The following CCDC70 variants were observed in gnomAD, a reference collection of about 807,000 sequenced individuals.
CCDC70 encodes coiled-coil domain containing 70.
CCDC70 carries 4 observed loss-of-function variants against 9.1 expected under a neutral mutation model. The ratio of observed to expected loss-of-function variants is 0.44; its 90% CI spans 0.22 to 1.00. The LOEUF (loss-of-function observed/expected upper bound fraction) is 1.00. Ranked by LOEUF, CCDC70 falls within the 50% of genes least tolerant of loss-of-function variation. The pLI, the probability that CCDC70 is intolerant of heterozygous loss-of-function variation, is 0.25. For synonymous variants in CCDC70, 119 were observed against 94.0 expected (o/e 1.27, Z -1.54); for missense variants, 308 against 271.3 (o/e 1.14, Z -0.95).
intron 1 of CCDC70, 59 bp from the exon 2 acceptor site, chr13:51,865,273 C>G (rs1956410944): frequency 2.2e-6 from 2 of 891,870 alleles, no homozygotes; most frequent in Admixed American, 2.7e-5. Flanking sequence ...AGTACAGAAC[C>G]AAGGGCCGTC....
At chr13:51,865,243 T>G in intron 1 of CCDC70, 89 bp from the exon 2 acceptor site, 1 of 643,760 alleles carries the variant, frequency 1.6e-6, no homozygotes, top group Non-Finnish European at 2.6e-6. Flanking sequence ...GAGCAGTGAT[T>G]ACATTTTCTC....
chr13:51,862,536 T>C (rs1418750792), intron 1 of CCDC70, among the ~76,000 whole-genome samples: 2 of 152,200 alleles, frequency 1.3e-5, no homozygotes, highest in Non-Finnish European at 2.9e-5. Context: ...TAGACGCCCA[T>C]TCATCCAGCT....
At chr13:51,862,704 G>T (rs1956391050) in intron 1 of CCDC70, among the ~76,000 whole-genome samples, 1 of 152,148 alleles carries the variant, frequency 6.6e-6, no homozygotes, top group Non-Finnish European at 1.5e-5. Flanking sequence ...TGAAGGATTC[G>T]CTAGGTGAAC....
At position 51,865,313 on chromosome 13, in the gene CCDC70, T is replaced by G; in HGVS notation, c.-80-19T>G. 2 of 1,377,840 alleles carry G rather than the reference T, an allele frequency of 1.5e-6. No individual in the cohort carries two copies. Among genetic ancestry groups the G allele is most frequent in the Non-Finnish European group, 9.9e-7 (1 of 1,009,094 alleles). The allele number at this position is 1,377,840 out of a possible 1,614,324, so 85.4% of individuals were successfully genotyped here. A position where few individuals can be genotyped will look rare whatever the true frequency, so the allele number is the denominator to read the frequency against. ...GGCATGTGATACTCATAGATCTGTC[T>G]TTTCTGCTGCCCCCACAGGGTCTGA... On this transcript the variant is annotated intron_variant, in intron 1 of 1. Transcript: ENST00000242819.
rs763268779 is a variant in CCDC70, at chr13:51,865,925, T to TCCCTCTGGGAGGAAGAGAATG, written c.533_553dup (p.Asn178_Glu184dup). On this transcript the variant is annotated inframe_insertion, in exon 2 of 2. Transcript: ENST00000242819. Reference sequence around the variant, plus strand: ...GAAAGCCCTGTGGGAAGATAAAACGTCCCTCTGGGAGGAAGAGAATGCCCT... The same window carrying TCCCTCTGGGAGGAAGAGAATG: ...GAAAGCCCTGTGGGAAGATAAAACGTCCCTCTGGGAGGAAGAGAATGCCCTCTGGGAGGAAGAGAATGCCCT... 7 of 1,613,658 alleles carry TCCCTCTGGGAGGAAGAGAATG rather than the reference T, an allele frequency of 4.3e-6. No individual in the cohort carries two copies. The highest frequency in any genetic ancestry group is 2.2e-5 in the South Asian group (2 of 91,054).
intron 1 of CCDC70, among the ~76,000 whole-genome samples, chr13:51,864,044 T>C (rs184996283): frequency 1.1e-4 from 17 of 152,268 alleles, no homozygotes; most frequent in Admixed American, 3.9e-4. Flanking sequence ...TCCTCAGATA[T>C]ATGGCAATGT....
chr13:51,864,930 A>G (rs1414237629), intron 1 of CCDC70, among the ~76,000 whole-genome samples: 3 of 152,166 alleles, frequency 2.0e-5, no homozygotes, highest in African/African-American at 7.2e-5. Context: ...CCAGGCTCGT[A>G]ACAGAGGACA....
rs1203539852 is a variant in CCDC70 at position 51,862,148 on chromosome 13, A to G, written c.-162A>G. ...TGTTGGGGCAAGCCTGCAAGCACGC[A>G]TCACTGGGGATCTGACATGACAATG... On this transcript the variant is annotated 5_prime_UTR_variant, in exon 1 of 2. Transcript: ENST00000242819. 1 of 152,284 alleles carries G rather than the reference A, an allele frequency of 6.6e-6. No individual in the cohort carries two copies. The highest frequency in any genetic ancestry group is 2.4e-5 in the African/African-American group (1 of 41,468). The allele number at this position is 152,284 out of a possible 1,614,324, so 9.4% of individuals were successfully genotyped here.
At chr13:51,865,013 G>A (rs1448533503) in intron 1 of CCDC70, among the ~76,000 whole-genome samples, 8 of 152,114 alleles carry the variant, frequency 5.3e-5, no homozygotes, top group East Asian at 1.9e-4. Context: ...AAATTCATTC[G>A]GATTGATTTA....
At position 51,866,091 on chromosome 13, in the gene CCDC70, G is replaced by C. The variant is rs927680564; in HGVS notation, c.*11G>C. 1.9e-6 allele frequency: 3 copies of C among 1,552,182 alleles called. No individual in the cohort carries two copies. Among genetic ancestry groups the C allele is most frequent in the Middle Eastern group, 1.7e-4 (1 of 5,740 alleles). On this transcript the variant is annotated 3_prime_UTR_variant, in exon 2 of 2. Transcript: ENST00000242819. Reference sequence around the variant, plus strand: ...CGAGGCAGGGCGTAGCCAGCATGCAGGTGCAGGGCCCTGTGGTCCAGACTC... The same window carrying C: ...CGAGGCAGGGCGTAGCCAGCATGCACGTGCAGGGCCCTGTGGTCCAGACTC...
intron 1 of CCDC70, among the ~76,000 whole-genome samples, chr13:51,863,697 ACACACACACAC>A (rs1461527719): frequency 2.3e-5 from 3 of 132,396 alleles, no homozygotes; most frequent in Admixed American, 7.9e-5. Context: ...ACACACACAC[ACACACACACAC>A]ACCAGCTATG....
intron 1 of CCDC70, among the ~76,000 whole-genome samples, chr13:51,863,708 C>CAA (rs1555276647): frequency 2.4e-3 from 342 of 141,134 alleles, no homozygotes; most frequent in African/African-American, 8.5e-3. Context: ...CACACACACA[C>CAA]ACCAGCTATG....
intron 1 of CCDC70, among the ~76,000 whole-genome samples, chr13:51,863,375 G>A (rs188318576): frequency 5.8e-4 from 89 of 152,184 alleles, no homozygotes; most frequent in Non-Finnish European, 1.1e-3. Context: ...CACCTGTAGG[G>A]CTACAGTGCA....
rs1454712439 is a variant in CCDC70, at chr13:51,865,735, AACTTTCTGGAAAAAGTACCGC to A, written c.336_356del (p.Lys113_Lys119del). 6.2e-7 allele frequency: 1 copy of A among 1,613,924 alleles called. No individual in the cohort carries two copies. The highest frequency in any genetic ancestry group is 8.5e-7 in the Non-Finnish European group (1 of 1,180,002). Reference sequence around the variant, plus strand: ...AAAAGTCTTTCAGGGAGGAAGAGAAAACTTTCTGGAAAAAGTACCGCACTTTCTGGAAGGAGGATAAGGCCT... The same window carrying A: ...AAAAGTCTTTCAGGGAGGAAGAGAAAACTTTCTGGAAGGAGGATAAGGCCT... On this transcript the variant is annotated inframe_deletion, in exon 2 of 2. Coordinates refer to ENST00000242819, the MANE Select transcript of CCDC70 (RefSeq NM_031290.4).
chr13:51,866,048 C>T lies in CCDC70; in HGVS notation c.637C>T (p.Arg213Cys), dbSNP rs139558267. ...DGPHNANRGQ[R>C]LLAFSRGRA Reference sequence around the variant, plus strand: ...GCCCCACAACGCCAACAGAGGGCAGCGCTTGCTGGCCTTCTCCCGAGGCAG... The same window carrying T: ...GCCCCACAACGCCAACAGAGGGCAGTGCTTGCTGGCCTTCTCCCGAGGCAG... Residue 213 changes from arginine to cysteine, a missense_variant, in exon 2 of 2, where the codon CGC becomes TGC. By Grantham distance (180) the Arg-to-Cys change is radical (BLOSUM62 -3). Transcript: ENST00000242819. 2.4e-5 allele frequency: 38 copies of T among 1,594,348 alleles called. No individual in the cohort carries two copies. The African/African-American group carries it at 4.3e-4, about 18-fold the overall frequency.
chr13:51,862,394 T>TA (rs1956389075), intron 1 of CCDC70, among the ~76,000 whole-genome samples, 165 bp downstream of exon 1: 1 of 152,256 alleles, frequency 6.6e-6, no homozygotes, highest in Non-Finnish European at 1.5e-5. Context: ...TCTACAGTTT[T>TA]ATATTGTACT....
At chr13:51,864,404 G>A (rs925281336) in intron 1 of CCDC70, among the ~76,000 whole-genome samples, 1 of 152,108 alleles carries the variant, frequency 6.6e-6, no homozygotes, top group African/African-American at 2.4e-5. Flanking sequence ...TCACTTCCTT[G>A]CTTTTCTCTT....
chr13:51,865,946 G>A lies in CCDC70; in HGVS notation c.535G>A (p.Ala179Thr). 3.1e-6 allele frequency: 5 copies of A among 1,614,064 alleles called. No homozygotes were observed. The highest frequency in any genetic ancestry group is 4.2e-6 in the Non-Finnish European group (5 of 1,179,992). ...AACGTCCCTCTGGGAGGAAGAGAAT[G>A]CCCTCTGGGAGGAAGAGAGGGCCTT... The part of the protein sequence containing the change: ...DKTSLWEEEN[A>T]LWEEERAFWM... The change falls in exon 2 of 2, where the codon GCC becomes ACC. Residue 179 changes from alanine to threonine, a missense_variant. By Grantham distance (58) the Ala-to-Thr change is moderately conservative. Transcript: ENST00000242819.
At chr13:51,863,123 C>T (rs1956393685) in intron 1 of CCDC70, among the ~76,000 whole-genome samples, 1 of 152,178 alleles carries the variant, frequency 6.6e-6, no homozygotes, top group Non-Finnish European at 1.5e-5. Flanking sequence ...GTAGAGGATG[C>T]GACATGTGCT....
Sources: gnomAD v4.1 joint callset for allele counts (sites outside exome capture counted in the v4.1 genomes callset) on GRCh38, gnomAD v4.1.1 for gene constraint, MANE v1.5 for transcripts, NCBI Gene and HGNC (gene_info 2026-07-23, HGNC 2026-07-21) for gene names.